The following PTGES3L variants were observed in gnomAD, a reference collection of about 807,000 sequenced individuals.
The protein encoded by PTGES3L is putative protein PTGES3L.
A neutral mutation model predicts 25.0 loss-of-function variants in PTGES3L; 17 were observed. The ratio of observed to expected loss-of-function variants is 0.68; its 90% CI spans 0.47 to 1.02. The LOEUF (loss-of-function observed/expected upper bound fraction) is 1.02, where lower values mean the gene tolerates loss of function less well. Ranked by LOEUF, PTGES3L falls within the 50% of genes least tolerant of loss-of-function variation. PTGES3L has a pLI of 0.00. For missense variants in PTGES3L, 202 were observed against 197.5 expected (o/e 1.02, Z -0.14); for synonymous variants, 59 against 65.7 (o/e 0.90, Z 0.50).
In PTGES3L at chr17:42,979,265, A is replaced by G; in HGVS notation, c.193T>C (p.Ser65Pro). ...EFYAKVNSKDSQDKRSSRSIT... is the reference protein window; with the variant it reads ...EFYAKVNSKDPQDKRSSRSIT... ...GAGCGGGAAGAGCGCTTATCCTGGG[A>G]GTCCTGCCAGATAGAGAGCCTCATT... is the stretch of plus-strand genomic sequence containing the variant. The change falls in exon 4 of 7, where the codon TCC becomes CCC. Residue 65 changes from serine (S) to proline (P), a missense_variant. By Grantham distance (74) the Ser-to-Pro change is moderately conservative. Transcript: ENST00000591916. 1.2e-6 allele frequency: 2 copies of G among 1,614,154 alleles called. No homozygotes were observed. Among genetic ancestry groups the G allele is most frequent in the South Asian group, 1.1e-5 (1 of 91,084 alleles).
In PTGES3L at chr17:42,980,027, C is replaced by T; in HGVS notation, c.8+19G>A. The T allele has an allele frequency of 5.8e-6, 9 of 1,546,666 alleles. No individual in the cohort carries two copies. The highest frequency in any genetic ancestry group is 6.1e-6 in the Non-Finnish European group (7 of 1,145,138). The stretch of plus-strand genomic sequence containing the variant: ...CAGGGAAAAGGGCCAGGGGGAGCAC[C>T]GGAGCCGGAAACACTCACCGTGCCA... On this transcript the variant is annotated intron_variant, in intron 1 of 6. Transcript: ENST00000591916.
chr17:42,979,317 C>T (rs1356488771), intron 3 of PTGES3L, 49 bp from the exon 4 acceptor site: 1 of 1,614,158 alleles, frequency 6.2e-7, no homozygotes, highest in Non-Finnish European at 8.5e-7. Flanking sequence ...TAGAATTAAT[C>T]TCCAGTTTCC....
At chr17:42,975,128 C>A (rs985400984) in intron 4 of PTGES3L, among the ~76,000 whole-genome samples, 2 of 116,370 alleles carry the variant, frequency 1.7e-5, no homozygotes, top group African/African-American at 6.6e-5. Flanking sequence ...AGTACGACAT[C>A]CTGTCTCAAA....
At chr17:42,978,499 G>T (rs753760318) in intron 4 of PTGES3L, among the ~76,000 whole-genome samples, 1 of 152,176 alleles carries the variant, frequency 6.6e-6, no homozygotes, top group African/African-American at 2.4e-5. Flanking sequence ...AATATCTGAA[G>T]TGGAGTCTTA....
At chr17:42,980,008 A>G in intron 1 of PTGES3L, 38 bp downstream of exon 1, 1 of 1,532,650 alleles carries the variant, frequency 6.5e-7, no homozygotes. Flanking sequence ...TCTCCAGGGA[A>G]AAGGGCCAGG....
chr17:42,975,541 T>C (rs2049939137), intron 4 of PTGES3L, among the ~76,000 whole-genome samples: 1 of 151,934 alleles, frequency 6.6e-6, no homozygotes, highest in African/African-American at 2.4e-5. Context: ...GGGCAGGAAA[T>C]CAAACGCTCA....
chr17:42,969,398 G>T, intron 6 of PTGES3L, among the ~76,000 whole-genome samples: 1 of 125,588 alleles, frequency 8.0e-6, no homozygotes, highest in Non-Finnish European at 1.6e-5. Context: ...ATTAGTTTCA[G>T]GACTTTTTTT....
At chr17:42,972,412 C>G (rs1344481238) in intron 4 of PTGES3L, among the ~76,000 whole-genome samples, 1 of 145,646 alleles carries the variant, frequency 6.9e-6, no homozygotes, top group South Asian at 2.4e-4. Flanking sequence ...GCTGCCATCT[C>G]GGCTCACTGC....
At chr17:42,970,582 G>A (rs942593040) in intron 5 of PTGES3L, among the ~76,000 whole-genome samples, 2 of 151,838 alleles carry the variant, frequency 1.3e-5, no homozygotes, top group South Asian at 2.1e-4. Flanking sequence ...ATAATATAAC[G>A]ACAGTGTGTG....
chr17:42,973,161 C>T (rs917197306), intron 4 of PTGES3L, among the ~76,000 whole-genome samples: 2 of 148,736 alleles, frequency 1.3e-5, no homozygotes, highest in African/African-American at 5.0e-5. Flanking sequence ...AGCGTCTCTG[C>T]CCAGCAGCCA....
At position 42,969,511 on chromosome 17, in the gene PTGES3L, G is replaced by A. The variant is rs115377880; in HGVS notation, c.433-325C>T. Among the ~76,000 whole-genome samples the A allele has an allele frequency of 9.7e-3, 1,424 of 146,768 alleles. 16 individuals carry two copies. The highest frequency in any genetic ancestry group is 0.03 in the African/African-American group (1,186 of 39,598). On this transcript the variant is annotated intron_variant, in intron 6 of 6. Transcript: ENST00000591916. The stretch of plus-strand genomic sequence containing the variant: ...CAACCTCTGCCTCACAGTCTCAAGC[G>A]ATCCTCCCACCTCAGCCACTTGAGT...
chr17:42,978,100 A>AAAAAAAAAC (rs377110391), intron 4 of PTGES3L, among the ~76,000 whole-genome samples: 4 of 142,354 alleles, frequency 2.8e-5, no homozygotes, highest in Non-Finnish European at 6.2e-5. Flanking sequence ...AAAAAAAAAA[A>AAAAAAAAAC]CAGAAAGAAA....
At chr17:42,973,213 C>T (rs1474648552) in intron 4 of PTGES3L, among the ~76,000 whole-genome samples, 17 of 146,860 alleles carry the variant, frequency 1.2e-4, no homozygotes, top group South Asian at 4.4e-4. Context: ...GCCCCCCGCC[C>T]GGCCAGCCGC....
intron 4 of PTGES3L, among the ~76,000 whole-genome samples, chr17:42,974,702 G>A (rs2049922586): frequency 6.6e-6 from 1 of 150,774 alleles, no homozygotes; most frequent in South Asian, 2.1e-4. Flanking sequence ...GAACCCGGAA[G>A]GTGGAGGTTG....
At chr17:42,970,093 C>T (rs980991458) in intron 6 of PTGES3L, among the ~76,000 whole-genome samples, 196 bp downstream of exon 6, 1 of 152,130 alleles carries the variant, frequency 6.6e-6, no homozygotes, top group Non-Finnish European at 1.5e-5. Flanking sequence ...GGCCACTGCA[C>T]TCCAACCTGG....
At position 42,971,646 on chromosome 17, in the gene PTGES3L, A is replaced by C. The variant is rs754941210; in HGVS notation, c.339T>G (p.Asp113Glu). ...CCACATGAGCCAGCTCCATCTCTTCATCCCCTTCCCAGTCTCTCCAGTTAT... is the reference window on the plus strand; with the variant it reads ...CCACATGAGCCAGCTCCATCTCTTCCTCCCCTTCCCAGTCTCTCCAGTTAT... The part of the protein sequence containing the change: ...DFDNWRDWEG[D>E]EEMELAHVEH... The change falls in exon 5 of 7, where the codon GAT (aspartate) becomes GAG (glutamate). Residue 113 changes from aspartate (D) to glutamate (E), a missense_variant. Coordinates refer to ENST00000591916, the MANE Select transcript of PTGES3L (RefSeq NM_001261430.2). 3 of 1,614,042 alleles carry C rather than the reference A, an allele frequency of 1.9e-6. No individual in the cohort carries two copies. Among genetic ancestry groups the C allele is most frequent in the Non-Finnish European group, 2.5e-6 (3 of 1,179,996 alleles).
Sources: gnomAD v4.1 joint callset for allele counts (sites outside exome capture counted in the v4.1 genomes callset) on GRCh38, gnomAD v4.1.1 for gene constraint, MANE v1.5 for transcripts, NCBI Gene and HGNC (gene_info 2026-07-23, HGNC 2026-07-21) for gene names.